The following SLC16A12 variants were observed in gnomAD, a reference collection of about 807,000 sequenced individuals.
SLC16A12 encodes the protein monocarboxylate transporter 12.
Under a neutral mutation model 42.4 loss-of-function variants are expected in SLC16A12, and 17 were observed. The observed-to-expected ratio is 0.40, with a 90% CI of 0.27 to 0.60. The LOEUF is 0.60. SLC16A12 is among the 20% of genes least tolerant of loss of function. The pLI is 0.42. For missense variants in SLC16A12, 544 were observed against 623.0 expected (o/e 0.87, Z 1.35); for synonymous variants, 224 against 229.4 (o/e 0.98, Z 0.21).
chr10:89,496,437 G>T (rs755295716), intron 2 of SLC16A12, among the ~76,000 whole-genome samples: 2 of 151,994 alleles, frequency 1.3e-5, no homozygotes, highest in Non-Finnish European at 2.9e-5. Flanking sequence ...ACTATTAGAA[G>T]GAACAGGAAA....
intron 2 of SLC16A12, among the ~76,000 whole-genome samples, chr10:89,493,867 G>C (rs958916263): frequency 6.6e-6 from 1 of 152,074 alleles, no homozygotes; most frequent in African/African-American, 2.4e-5. Context: ...TAAATGAAAG[G>C]TTCCTACCAA....
At chr10:89,489,040 G>T (rs1194502686) in intron 2 of SLC16A12, among the ~76,000 whole-genome samples, 1 of 152,122 alleles carries the variant, frequency 6.6e-6, no homozygotes, top group Non-Finnish European at 1.5e-5. Context: ...ATCATCTCTA[G>T]AAATGTGGGC....
intron 3 of SLC16A12, among the ~76,000 whole-genome samples, chr10:89,453,582 G>A (rs1417657598): frequency 6.6e-6 from 1 of 152,170 alleles, no homozygotes; most frequent in Non-Finnish European, 1.5e-5. Flanking sequence ...TGCTGTACCG[G>A]TTTGTAGCTT....
chr10:89,507,957 C>T (rs139071806), intron 2 of SLC16A12, among the ~76,000 whole-genome samples: 105 of 152,124 alleles, frequency 6.9e-4, no homozygotes, highest in African/African-American at 2.5e-3. Flanking sequence ...GATTTTAAAC[C>T]AATAAAGATC....
intron 3 of SLC16A12, among the ~76,000 whole-genome samples, chr10:89,445,002 C>T (rs1841975742): frequency 6.6e-6 from 1 of 152,256 alleles, no homozygotes; most frequent in Non-Finnish European, 1.5e-5. Context: ...ACTGCTAGCG[C>T]AGCAGTCCGA....
chr10:89,519,495 C>G (rs1376815761), intron 2 of SLC16A12, among the ~76,000 whole-genome samples: 1 of 152,122 alleles, frequency 6.6e-6, no homozygotes. Flanking sequence ...AGAACCGGAA[C>G]TATGAATAAA....
intron 2 of SLC16A12, among the ~76,000 whole-genome samples, chr10:89,511,266 A>C (rs1001376119): frequency 5.3e-5 from 8 of 152,242 alleles, no homozygotes; most frequent in African/African-American, 1.7e-4. Context: ...TTCTACTGTA[A>C]AGGCACATGC....
chr10:89,433,418 A>T, intron 7 of SLC16A12, 92 bp from the exon 8 acceptor site: 1 of 1,318,956 alleles, frequency 7.6e-7, no homozygotes, highest in Non-Finnish European at 1.1e-6. Context: ...GGATAATAAT[A>T]GATCGATAGC....
chr10:89,540,457 T>C (rs755286405), upstream of SLC16A12, among the ~76,000 whole-genome samples: 1 of 152,178 alleles, frequency 6.6e-6, no homozygotes, highest in Non-Finnish European at 1.5e-5. Context: ...CACTCTTTTC[T>C]ATGAGCACTT....
chr10:89,508,952 G>T (rs1353279701), intron 2 of SLC16A12, among the ~76,000 whole-genome samples: 1 of 152,172 alleles, frequency 6.6e-6, no homozygotes, highest in East Asian at 1.9e-4. Context: ...TACCATCAGA[G>T]AATACTATGA....
At chr10:89,442,614 C>T (rs962978691) in intron 4 of SLC16A12, among the ~76,000 whole-genome samples, 2 of 152,166 alleles carry the variant, frequency 1.3e-5, no homozygotes, top group African/African-American at 4.8e-5. Context: ...AAGACAAGCT[C>T]TATAACTCGA....
intron 2 of SLC16A12, among the ~76,000 whole-genome samples, chr10:89,548,467 G>GC (rs1320644814): frequency 2.0e-5 from 3 of 152,096 alleles, no homozygotes; most frequent in Admixed American, 6.6e-5. Flanking sequence ...AGAGCAGCAG[G>GC]CCGAGGACCA....
At chr10:89,488,556 A>C (rs1842798854) in intron 2 of SLC16A12, among the ~76,000 whole-genome samples, 1 of 152,236 alleles carries the variant, frequency 6.6e-6, no homozygotes, top group African/African-American at 2.4e-5. Flanking sequence ...GGAGAGGTTC[A>C]GTGAACCTCA....
At chr10:89,539,885 C>CTTTCTTTCTTTCTTTCTTTA (rs1554834017), upstream of SLC16A12, among the ~76,000 whole-genome samples, 225 of 144,462 alleles carry the variant, frequency 1.6e-3, no homozygotes, top group Non-Finnish European at 2.9e-3. Flanking sequence ...TTCTTTCTTT[C>CTTTCTTTCTTTCTTTCTTTA]TTTCTTTCTT....
rs1428238746 is a variant in SLC16A12, at chr10:89,553,961, C to T, written c.-47+1921G>A. 2.7e-5 allele frequency among the ~76,000 whole-genome samples: 4 copies of T among 149,768 alleles called. No homozygotes were observed. In the Admixed American group the frequency reaches 2.7e-4, roughly 10 times the overall value. On this transcript the variant is annotated intron_variant, in intron 2 of 2. Transcript: ENST00000475682. ...AGTGAGTCAAGATCATGCCACTGCA[C>T]TCCAGCCTGGGCAACAGAGCGAGAC...
intron 2 of SLC16A12, among the ~76,000 whole-genome samples, chr10:89,485,956 T>C (rs1842736197): frequency 6.6e-6 from 1 of 152,216 alleles, no homozygotes; most frequent in South Asian, 2.1e-4. Flanking sequence ...CCTTTGGGAA[T>C]ATAAACTTCC....
chr10:89,540,084 TTTTC>T (rs949844404), upstream of SLC16A12, among the ~76,000 whole-genome samples: 1 of 151,338 alleles, frequency 6.6e-6, no homozygotes, highest in Admixed American at 6.6e-5. Flanking sequence ...CTTTGCCTCT[TTTTC>T]TTTCTTTCTT....
intron 2 of SLC16A12, among the ~76,000 whole-genome samples, chr10:89,554,033 G>GAAGAAAGAAAGAAAGA (rs1295802200): frequency 3.0e-5 from 2 of 67,608 alleles, no homozygotes; most frequent in Non-Finnish European, 5.7e-5. Context: ...AGAGAGAAAG[G>GAAGAAAGAAAGAAAGA]AAGAAAGAAA....
In SLC16A12 at chr10:89,433,213, T is replaced by G; in HGVS notation, c.1402A>C (p.Lys468Gln). The G allele has an allele frequency of 6.2e-7, 1 of 1,614,220 alleles. No homozygotes were observed. The highest frequency in any genetic ancestry group is 2.2e-5 in the East Asian group (1 of 44,890). The part of the protein sequence containing the change: ...GFARLIKRMR[K>Q]TQLQFIAKES... Reference sequence around the variant, plus strand: ...TTGGCAATGAACTGCAACTGGGTTTTTCTCATTCTCTTTATAAGTCTAGCA... The same window carrying G: ...TTGGCAATGAACTGCAACTGGGTTTGTCTCATTCTCTTTATAAGTCTAGCA... The change falls in exon 8 of 8, where the codon AAA (lysine) becomes CAA (glutamine). Residue 468 changes from lysine to glutamine, a missense_variant. Lys to Gln is a moderately conservative substitution (Grantham distance 53, BLOSUM62 1). Transcript: ENST00000371790.
Sources: allele counts gnomAD v4.1 joint callset (sites outside exome capture counted in the v4.1 genomes callset), GRCh38; gene constraint gnomAD v4.1.1; transcripts MANE v1.5; gene names NCBI Gene and HGNC (gene_info 2026-07-23, HGNC 2026-07-21).